The following RAB3B variants were observed in gnomAD, a reference collection of about 807,000 sequenced individuals.
RAB3B encodes ras-related protein Rab-3B.
RAB3B carries 11 observed loss-of-function variants against 20.5 expected under a neutral mutation model. The observed-to-expected ratio is 0.54, with a 90% CI of 0.34 to 0.89. The LOEUF (loss-of-function observed/expected upper bound fraction) is 0.89. RAB3B is among the 40% of genes least tolerant of loss of function. The pLI is 0.02. For synonymous variants in RAB3B, 99 were observed against 106.3 expected (o/e 0.93, Z 0.42); for missense variants, 225 against 280.9 (o/e 0.80, Z 1.42).
chr1:51,971,010 CAAA>C (rs3074914), intron 2 of RAB3B, among the ~76,000 whole-genome samples: 3,631 of 55,544 alleles, frequency 0.065, 47 homozygotes, highest in Non-Finnish European at 0.092. Flanking sequence ...GACTCCGTCT[CAAA>C]AAAAAAAAAA....
intron 1 of RAB3B, among the ~76,000 whole-genome samples, chr1:51,981,586 ACAT>A (rs1685088650): frequency 6.6e-6 from 1 of 152,264 alleles, no homozygotes; most frequent in Non-Finnish European, 1.5e-5. Flanking sequence ...GTAATAGCTG[ACAT>A]CATATGTACA....
intron 2 of RAB3B, among the ~76,000 whole-genome samples, chr1:51,962,068 A>T (rs1035337260): frequency 6.6e-6 from 1 of 152,172 alleles, no homozygotes; most frequent in African/African-American, 2.4e-5. Flanking sequence ...CACTGCACCC[A>T]GACTGAAGCC....
intron 2 of RAB3B, among the ~76,000 whole-genome samples, chr1:51,943,080 G>A (rs953230483): frequency 3.9e-5 from 6 of 151,944 alleles, no homozygotes; most frequent in Admixed American, 3.3e-4. Context: ...TTAAAATTAG[G>A]CCAATTAATA....
chr1:51,968,200 A>C (rs1684882522), intron 2 of RAB3B, among the ~76,000 whole-genome samples: 1 of 152,156 alleles, frequency 6.6e-6, no homozygotes, highest in Non-Finnish European at 1.5e-5. Context: ...CAACAAATTG[A>C]TTTTAACCCA....
At chr1:51,950,285 C>T (rs556650410) in intron 2 of RAB3B, among the ~76,000 whole-genome samples, 1 of 152,354 alleles carries the variant, frequency 6.6e-6, no homozygotes, top group South Asian at 2.1e-4. Context: ...CCCTATCTGC[C>T]TAGGCATTTG....
chr1:51,919,817 G>T lies in RAB3B; in HGVS notation c.*110C>A. On this transcript the variant is annotated 3_prime_UTR_variant, in exon 5 of 5. Coordinates refer to ENST00000371655, the MANE Select transcript of RAB3B (RefSeq NM_002867.4). ...AGCAGCAACTCATCTTGCTCTGAGT[G>T]TGGGCAGTGTGTAACAGGGAGAGTG... 8.9e-7 allele frequency: 1 copy of T among 1,126,022 alleles called. No homozygotes were observed. The highest frequency in any genetic ancestry group is 2.6e-5 in the Admixed American group (1 of 37,932). The allele number at this position is 1,126,022 out of a possible 1,614,324, so 69.8% of individuals were successfully genotyped here.
chr1:51,947,491 A>G (rs1018403243), intron 2 of RAB3B, among the ~76,000 whole-genome samples: 1 of 152,076 alleles, frequency 6.6e-6, no homozygotes, highest in Admixed American at 6.6e-5. Flanking sequence ...GATTCTCTTT[A>G]GCCCCCAAGA....
intron 2 of RAB3B, among the ~76,000 whole-genome samples, chr1:51,954,222 C>T (rs1038102960): frequency 6.6e-6 from 1 of 152,128 alleles, no homozygotes; most frequent in African/African-American, 2.4e-5. Context: ...GGATATGGTT[C>T]ATCTTTTGTA....
chr1:51,978,530 G>A (rs1332363323), intron 1 of RAB3B, among the ~76,000 whole-genome samples: 1 of 152,172 alleles, frequency 6.6e-6, no homozygotes, highest in Non-Finnish European at 1.5e-5. Context: ...AGCCTTCTCA[G>A]TTCTGTCACC....
At chr1:51,933,164 C>A (rs1440811528) in intron 4 of RAB3B, among the ~76,000 whole-genome samples, 154 bp downstream of exon 4, 1 of 152,040 alleles carries the variant, frequency 6.6e-6, no homozygotes, top group African/African-American at 2.4e-5. Context: ...GTACCTCATA[C>A]AAATATAAAA....
At chr1:51,933,290 C>T (rs776050647) in intron 4 of RAB3B, 28 bp downstream of exon 4, 3 of 1,610,986 alleles carry the variant, frequency 1.9e-6, no homozygotes, top group South Asian at 1.1e-5. Context: ...CAAATGCACA[C>T]ATGCACATAC....
At chr1:51,933,025 C>T (rs1684347261) in intron 4 of RAB3B, among the ~76,000 whole-genome samples, 1 of 151,844 alleles carries the variant, frequency 6.6e-6, no homozygotes, top group Non-Finnish European at 1.5e-5. Context: ...TATCTCAAGT[C>T]CTTTGTGGAA....
intron 2 of RAB3B, among the ~76,000 whole-genome samples, chr1:51,956,375 T>A (rs1441306606): frequency 1.3e-5 from 2 of 152,130 alleles, no homozygotes; most frequent in East Asian, 3.8e-4. Context: ...CTCTTTGGAG[T>A]AAGACAAATA....
In RAB3B at chr1:51,933,023, G is replaced by A. The variant is rs1020009044; in HGVS notation, c.472+295C>T. Reference sequence around the variant, plus strand: ...TGACCATTTTTATAAGATATCTCAAGTCCTTTGTGGAAGGAACTGGTAAAA... The same window carrying A: ...TGACCATTTTTATAAGATATCTCAAATCCTTTGTGGAAGGAACTGGTAAAA... On this transcript the variant is annotated intron_variant, in intron 4 of 4. Transcript: ENST00000371655. 2.6e-5 allele frequency among the ~76,000 whole-genome samples: 4 copies of A among 151,436 alleles called. No individual in the cohort carries two copies. The East Asian group carries it at 7.7e-4, about 29-fold the overall frequency.
chr1:51,933,483 T>C (rs374779100), intron 3 of RAB3B, 41 bp from the exon 4 acceptor site: 6 of 1,571,216 alleles, frequency 3.8e-6, no homozygotes, highest in African/African-American at 2.7e-5. Flanking sequence ...CATATTCCTA[T>C]AGACTGAATG....
intron 2 of RAB3B, among the ~76,000 whole-genome samples, chr1:51,972,489 C>CTTT (rs1160625371): frequency 2.3e-5 from 3 of 130,862 alleles, no homozygotes; most frequent in Admixed American, 7.8e-5. Flanking sequence ...TTTCTTTTTT[C>CTTT]TTTTTTTTTT....
intron 2 of RAB3B, among the ~76,000 whole-genome samples, chr1:51,953,339 G>T (rs979722505): frequency 6.6e-6 from 1 of 152,106 alleles, no homozygotes; most frequent in Non-Finnish European, 1.5e-5. Flanking sequence ...GAAAATGTGG[G>T]GAGAGAAGTG....
Position 51,916,512 on chromosome 1 carries a change from G to A in RAB3B, c.*3415C>T, listed in dbSNP as rs540242320. 6 of 152,340 alleles carry A rather than the reference G, an allele frequency of 3.9e-5. No homozygotes were observed. The highest frequency in any genetic ancestry group is 1.4e-4 in the African/African-American group (6 of 41,574). The allele number at this position is 152,340 out of a possible 1,614,324, so 9.4% of individuals were successfully genotyped here. On this transcript the variant is annotated 3_prime_UTR_variant, in exon 5 of 5. Transcript: ENST00000371655. ...AATTATCCATGACACTGTATACAAT[G>A]TTACAGTGTAAAAATCACACCCAGA...
rs571971854 is a variant in RAB3B at position 51,990,568 on chromosome 1, G to C, written c.-17C>G. 6.6e-6 allele frequency: 1 copy of C among 151,958 alleles called. No homozygotes were observed. Among genetic ancestry groups the C allele is most frequent in the Non-Finnish European group, 1.5e-5 (1 of 67,960 alleles). 9.4% of individuals were successfully genotyped at this position (151,958 alleles called of 1,614,324 possible). On this transcript the variant is annotated 5_prime_UTR_variant, in exon 1 of 5. Coordinates refer to ENST00000371655, the MANE Select transcript of RAB3B (RefSeq NM_002867.4). ...GCCCCTTACCGCGGACTCCGAGTGC[G>C]GGACGACGGGTTCGCTCCCGGACGG...
Sources: gnomAD v4.1 joint callset for allele counts (sites outside exome capture counted in the v4.1 genomes callset) on GRCh38, gnomAD v4.1.1 for gene constraint, MANE v1.5 for transcripts, NCBI Gene and HGNC (gene_info 2026-07-23, HGNC 2026-07-21) for gene names.